Variants in DTL observed in about 807,000 individuals in gnomAD.
DTL encodes the protein denticleless E3 ubiquitin protein ligase adapter.
A neutral mutation model predicts 87.0 loss-of-function variants in DTL; 46 were observed. The ratio of observed to expected loss-of-function variants is 0.53; its 90% CI spans 0.42 to 0.68. The LOEUF (loss-of-function observed/expected upper bound fraction) is 0.68. DTL is among the 30% of genes least tolerant of loss of function. DTL has a pLI of 0.00. For missense variants in DTL, 737 were observed against 869.4 expected, an observed-to-expected ratio of 0.85 and a Z score of 1.91; for synonymous variants, 308 against 311.2, an observed-to-expected ratio of 0.99 and a Z score of 0.11.
chr1:212,046,633 T>G (rs558951345), intron 3 of DTL, among the ~76,000 whole-genome samples: 1 of 152,370 alleles, frequency 6.6e-6, no homozygotes, highest in Non-Finnish European at 1.5e-5. Flanking sequence ...ATTCCTCTTA[T>G]GGCTGCATTG....
chr1:212,052,632 A>G (rs1017848317), intron 5 of DTL, among the ~76,000 whole-genome samples: 1 of 139,696 alleles, frequency 7.2e-6, no homozygotes, highest in African/African-American at 2.7e-5. Context: ...CAACAGAGCG[A>G]GACTCTGCCT....
intron 10 of DTL, among the ~76,000 whole-genome samples, chr1:212,070,915 A>G: frequency 6.6e-6 from 1 of 152,210 alleles, no homozygotes; most frequent in East Asian, 1.9e-4. Context: ...AGGGCAATAA[A>G]TACTTACAGG....
chr1:212,072,058 G>A, intron 10 of DTL, 43 bp from the exon 11 acceptor site: 2 of 1,418,204 alleles, frequency 1.4e-6, no homozygotes, highest in African/African-American at 1.4e-5. Context: ...TTGACCACTA[G>A]AAATAACAAG....
rs1312899708 is a variant in DTL, at chr1:212,100,481, C to A, written c.1491C>A (p.Phe497Leu). The change falls in exon 14 of 15, where the codon TTC (phenylalanine) becomes TTA (leucine). Residue 497 changes from phenylalanine (F) to leucine (L), a missense_variant. Physicochemically the swap from Phe to Leu is conservative, Grantham distance 22. Coordinates refer to ENST00000366991, the MANE Select transcript of DTL (RefSeq NM_016448.4). ...TCTCTCCCAAGCCACCTTCATCTTT[C>A]AAGATGTCGATTAGAAACTGGGTGA... ...SSVSPKPPSS[F>L]KMSIRNWVTR... The A allele has an allele frequency of 6.2e-7, 1 of 1,613,872 alleles. No individual in the cohort carries two copies. Among genetic ancestry groups the A allele is most frequent in the Admixed American group, 1.7e-5 (1 of 59,982 alleles).
At chr1:212,082,757 T>G (rs1400119980) in intron 13 of DTL, among the ~76,000 whole-genome samples, 1 of 151,298 alleles carries the variant, frequency 6.6e-6, no homozygotes, top group Admixed American at 6.6e-5. Flanking sequence ...AGAAAGGGAG[T>G]AGAGATTTTA....
intron 13 of DTL, among the ~76,000 whole-genome samples, chr1:212,098,370 C>T (rs1655510034): frequency 6.6e-6 from 1 of 152,144 alleles, no homozygotes; most frequent in Non-Finnish European, 1.5e-5. Context: ...CAGGAGGTGG[C>T]ACTTTCAAGA....
chr1:212,072,016 CTTG>C, intron 10 of DTL, 82 bp from the exon 11 acceptor site: 1 of 944,962 alleles, frequency 1.1e-6, no homozygotes, highest in Non-Finnish European at 1.7e-6. Context: ...AGTGATAAAA[CTTG>C]TTAGAATATA....
rs369056190 is a variant in DTL at position 212,101,064 on chromosome 1, G to A, written c.2074G>A (p.Gly692Arg). ...GACACCCAATTCCAGGAGACAGAGC[G>A]GAAAGAAATTGCCAAGCCCGGTAAG... ...SQTPNSRRQS[G>R]KKLPSPVTIT... Residue 692 changes from glycine to arginine, a missense_variant, in exon 14 of 15, where the codon GGA becomes AGA. Transcript: ENST00000366991. 1.6e-5 allele frequency: 26 copies of A among 1,608,738 alleles called. No individual in the cohort carries two copies. Among genetic ancestry groups the A allele is most frequent in the East Asian group, 4.5e-5 (2 of 44,838 alleles).
At chr1:212,080,774 A>G in intron 13 of DTL, 24 bp downstream of exon 13, 4 of 1,611,238 alleles carry the variant, frequency 2.5e-6, no homozygotes, top group Admixed American at 3.4e-5. Context: ...ATACTTTCCA[A>G]GTTTTTTATG....
chr1:212,088,758 G>A (rs529799610), intron 13 of DTL, among the ~76,000 whole-genome samples: 14 of 152,332 alleles, frequency 9.2e-5, no homozygotes, highest in Admixed American at 4.6e-4. Flanking sequence ...TGATAAGACT[G>A]AAAAGGCAGG....
chr1:212,053,138 C>G (rs34841259), intron 5 of DTL, among the ~76,000 whole-genome samples: 10,620 of 152,238 alleles, frequency 0.07, 472 homozygotes, highest in Admixed American at 0.14. Flanking sequence ...ATTTTTCTCT[C>G]TCTTCTTCAA....
chr1:212,062,836 A>G (rs1251262450), intron 5 of DTL, 48 bp from the exon 6 acceptor site: 1 of 1,473,314 alleles, frequency 6.8e-7, no homozygotes. Context: ...TATATGTGTC[A>G]TTGACTGGTT....
intron 3 of DTL, among the ~76,000 whole-genome samples, chr1:212,046,150 C>A (rs1455019186): frequency 6.6e-6 from 1 of 152,120 alleles, no homozygotes; most frequent in Admixed American, 6.5e-5. Flanking sequence ...CTAGTGAACT[C>A]ATGGAAAGGA....
chr1:212,047,327 T>C lies in DTL; in HGVS notation c.370T>C (p.Phe124Leu). 1 of 1,614,196 alleles carries C rather than the reference T, an allele frequency of 6.2e-7. No homozygotes were observed. The highest frequency in any genetic ancestry group is 8.5e-7 in the Non-Finnish European group (1 of 1,180,026). Residue 124 changes from phenylalanine to leucine, a missense_variant, in exon 5 of 15, where the codon TTT (phenylalanine) becomes CTT (leucine). Coordinates refer to ENST00000366991, the MANE Select transcript of DTL (RefSeq NM_016448.4). ...VTAAGDQTAK[F>L]WDVKAGELIG... Reference sequence around the variant, plus strand: ...AGCAGCAGGTGATCAAACAGCCAAATTTTGGGACGTAAAAGCTGGTGAGCT... The same window carrying C: ...AGCAGCAGGTGATCAAACAGCCAAACTTTGGGACGTAAAAGCTGGTGAGCT...
In DTL at chr1:212,062,899, G is replaced by A; in HGVS notation, c.476G>A (p.Gly159Asp). The A allele has an allele frequency of 6.2e-7, 1 of 1,613,522 alleles. No individual in the cohort carries two copies. The highest frequency in any genetic ancestry group is 8.5e-7 in the Non-Finnish European group (1 of 1,179,528). ...TTCCCCACAGCTGTATTCTGTACGG[G>A]TGGAAGAGATGGCAACATTATGGTC... ...SKFEKAVFCT[G>D]GRDGNIMVWD... The change falls in exon 6 of 15, where the codon GGT becomes GAT. Residue 159 changes from glycine to aspartate, a missense_variant. Physicochemically the swap from Gly to Asp is moderately conservative, Grantham distance 94. Transcript: ENST00000366991.
intron 11 of DTL, among the ~76,000 whole-genome samples, chr1:212,075,770 G>T (rs554421766): frequency 6.6e-6 from 1 of 151,862 alleles, no homozygotes; most frequent in South Asian, 2.1e-4. Flanking sequence ...GTTTACAATG[G>T]AGTAGTTACT....
At chr1:212,062,708 G>T (rs1457405346) in intron 5 of DTL, among the ~76,000 whole-genome samples, 176 bp from the exon 6 acceptor site, 1 of 152,114 alleles carries the variant, frequency 6.6e-6, no homozygotes, top group East Asian at 1.9e-4. Context: ...AGCATCTCAA[G>T]CTCTTCATAA....
chr1:212,063,428 A>G (rs1654397075), intron 6 of DTL, among the ~76,000 whole-genome samples: 1 of 151,644 alleles, frequency 6.6e-6, no homozygotes, highest in South Asian at 2.1e-4. Flanking sequence ...AGCTGGGATT[A>G]CAGCCACCCG....
At chr1:212,071,606 T>TC (rs1385419382) in intron 10 of DTL, among the ~76,000 whole-genome samples, 1 of 152,162 alleles carries the variant, frequency 6.6e-6, no homozygotes, top group East Asian at 1.9e-4. Flanking sequence ...TTTTTCCTTT[T>TC]CATGGAACAA....
Sources: allele counts gnomAD v4.1 joint callset (sites outside exome capture counted in the v4.1 genomes callset), GRCh38; gene constraint gnomAD v4.1.1; transcripts MANE v1.5; gene names NCBI Gene and HGNC (gene_info 2026-07-23, HGNC 2026-07-21).